RNF17: variants seen among roughly 807,000 people sequenced by gnomAD.
RNF17 encodes ring finger protein 17, also known as spermatogenesis associated 23.
Under a neutral mutation model 200.5 loss-of-function variants are expected in RNF17, and 31 were observed. The observed-to-expected ratio is 0.15, with a 90% CI of 0.12 to 0.21. RNF17 has a LOEUF of 0.21. RNF17 is among the 10% of genes least tolerant of loss of function. The pLI is 1.00. For missense variants in RNF17, 1,628 were observed against 1,905.1 expected (o/e 0.85, Z 2.71); for synonymous variants, 606 against 637.8 (o/e 0.95, Z 0.75).
Position 24,843,929 on chromosome 13 carries a change from A to G in RNF17, c.2789A>G (p.Lys930Arg), listed in dbSNP as rs1424379781. 1 of 1,563,872 alleles carries G rather than the reference A, an allele frequency of 6.4e-7. No homozygotes were observed. The highest frequency in any genetic ancestry group is 2.3e-5 in the East Asian group (1 of 44,318). Residue 930 changes from lysine (K) to arginine (R), a missense_variant, in exon 20 of 36, where the codon AAG becomes AGG. Around this residue, in one of 5 missense-constraint regions of RNF17, gnomAD observed 227 missense variants for 319.8 expected, o/e 0.71. Coordinates refer to ENST00000255324, the MANE Select transcript of RNF17 (RefSeq NM_031277.3). The stretch of plus-strand genomic sequence containing the variant: ...ATCTGTAATGTAATATCTCCTGAGA[A>G]GATTTATGTTCAGTGGTTGTTAACT... The part of the protein sequence containing the change: ...VHICNVISPE[K>R]IYVQWLLTEN...
chr13:24,755,692 A>G, the RNF17 span, among the ~76,000 whole-genome samples: 1 of 152,204 alleles, frequency 6.6e-6, no homozygotes, highest in Non-Finnish European at 1.5e-5. Context: ...TTATCTGCCT[A>G]GACTTTGGAC....
At chr13:24,819,065 A>G (rs1887734789) in intron 15 of RNF17, among the ~76,000 whole-genome samples, 1 of 152,252 alleles carries the variant, frequency 6.6e-6, no homozygotes. Context: ...AGAATTTATT[A>G]TCTTAACCAT....
At position 24,833,810 on chromosome 13, in the gene RNF17, A is replaced by C. The variant is rs548087403; in HGVS notation, c.2482+1832A>C. On this transcript the variant is annotated intron_variant, in intron 18 of 35. Coordinates refer to ENST00000255324, the MANE Select transcript of RNF17 (RefSeq NM_031277.3). ...ATAAAGTGAACTACCACAGCTGAGA[A>C]CAGGAACCTGCCATTAATACGTGCT... is the stretch of plus-strand genomic sequence containing the variant. Among the ~76,000 whole-genome samples, 165 of 152,376 alleles carry C rather than the reference A, an allele frequency of 1.1e-3. 7 individuals are homozygous for C. The South Asian group carries it at 0.033, about 31-fold the overall frequency.
At chr13:24,818,177 T>A (rs560433485) in intron 15 of RNF17, among the ~76,000 whole-genome samples, 1 of 152,286 alleles carries the variant, frequency 6.6e-6, no homozygotes, top group Non-Finnish European at 1.5e-5. Flanking sequence ...TTCTACATAT[T>A]TGAATTTTGC....
chr13:24,785,264 G>A (rs1882955147), intron 6 of RNF17, among the ~76,000 whole-genome samples: 1 of 152,054 alleles, frequency 6.6e-6, no homozygotes, highest in South Asian at 2.1e-4. Flanking sequence ...CATAAATTTT[G>A]TGTTCTTGCT....
intron 24 of RNF17, 27 bp downstream of exon 24, chr13:24,851,598 C>T (rs1017068878): frequency 1.4e-6 from 2 of 1,469,600 alleles, no homozygotes; most frequent in African/African-American, 1.4e-5. Context: ...AAAATTTTGA[C>T]ATCAGTTTGT....
chr13:24,804,006 T>C, intron 14 of RNF17: 1 of 332,384 alleles, frequency 3.0e-6, no homozygotes, highest in South Asian at 3.1e-5. Flanking sequence ...GTATGGTGGC[T>C]TACACTTGTA....
At chr13:24,835,242 CT>C (rs146325058) in intron 18 of RNF17, among the ~76,000 whole-genome samples, 2,315 of 152,128 alleles carry the variant, frequency 0.015, 61 homozygotes, top group East Asian at 0.081. Flanking sequence ...CCTACCCCCC[CT>C]GGTAGCTGAA....
rs144006120 is a variant in RNF17 at position 24,781,914 on chromosome 13, T to C, written c.581T>C (p.Phe194Ser). Reference sequence around the variant, plus strand: ...GTTATAGAAGTTGTGGAGAAACAGTTTGACCAACTTTTGGCTTTTTTTGAT... The same window carrying C: ...GTTATAGAAGTTGTGGAGAAACAGTCTGACCAACTTTTGGCTTTTTTTGAT... ...ERVIEVVEKQ[F>S]DQLLAFFDSR... Residue 194 changes from phenylalanine to serine, a missense_variant, in exon 6 of 36, where the codon TTT becomes TCT. Coordinates refer to ENST00000255324, the MANE Select transcript of RNF17 (RefSeq NM_031277.3). 6.2e-6 allele frequency: 10 copies of C among 1,613,006 alleles called. No individual in the cohort carries two copies. Among genetic ancestry groups the C allele is most frequent in the African/African-American group, 1.3e-5 (1 of 74,850 alleles).
chr13:24,767,145 C>G (rs914606504), intron 1 of RNF17, 127 bp from the exon 2 acceptor site: 2 of 629,542 alleles, frequency 3.2e-6, no homozygotes, highest in Non-Finnish European at 5.6e-6. Context: ...AGGAGGATCA[C>G]TTGAGCCCAA....
chr13:24,851,905 A>G (rs1405213045), intron 24 of RNF17, among the ~76,000 whole-genome samples: 1 of 152,184 alleles, frequency 6.6e-6, no homozygotes, highest in African/African-American at 2.4e-5. Context: ...TTACTTAGAC[A>G]TAAATGTTTA....
chr13:24,770,159 T>C (rs997632974), intron 2 of RNF17, among the ~76,000 whole-genome samples: 10 of 152,080 alleles, frequency 6.6e-5, no homozygotes, highest in Non-Finnish European at 1.5e-4. Context: ...AAATGTAAAC[T>C]AGACAGAAAT....
At chr13:24,869,566 C>G (rs535571432) in intron 31 of RNF17, among the ~76,000 whole-genome samples, 18 of 152,270 alleles carry the variant, frequency 1.2e-4, no homozygotes, top group African/African-American at 3.9e-4. Context: ...GCTGCAGAAA[C>G]CACTTTCGAA....
intron 3 of RNF17, among the ~76,000 whole-genome samples, chr13:24,775,588 T>C (rs1881447920): frequency 6.6e-6 from 1 of 152,184 alleles, no homozygotes; most frequent in South Asian, 2.1e-4. Flanking sequence ...TATAGTACAA[T>C]GGAAGACTTT....
chr13:24,866,016 A>G (rs561413052), intron 29 of RNF17, 128 bp from the exon 30 acceptor site: 1 of 623,290 alleles, frequency 1.6e-6, no homozygotes, highest in East Asian at 3.0e-5. Context: ...ATTTTCCTGT[A>G]ATTGATCTGA....
At chr13:24,748,747 TTTTTTG>T in the RNF17 span, among the ~76,000 whole-genome samples, 1 of 120,840 alleles carries the variant, frequency 8.3e-6, no homozygotes, top group African/African-American at 2.9e-5. Context: ...GTTTTTTTTG[TTTTTTG>T]TTTTTTTTTT....
At chr13:24,828,069 G>A (rs1018413567) in intron 16 of RNF17, among the ~76,000 whole-genome samples, 4 of 152,144 alleles carry the variant, frequency 2.6e-5, no homozygotes, top group Non-Finnish European at 4.4e-5. Flanking sequence ...GTATAGTTTC[G>A]TAAATATCTT....
chr13:24,764,069 C>T (rs555321425), upstream of RNF17: 3 of 797,078 alleles, frequency 3.8e-6, no homozygotes, highest in Middle Eastern at 3.9e-4. Flanking sequence ...CCATCAGGAG[C>T]GAGCTTGGGG....
intron 15 of RNF17, among the ~76,000 whole-genome samples, chr13:24,819,081 A>G (rs1456922928): frequency 6.6e-6 from 1 of 152,108 alleles, no homozygotes. Context: ...ACCATTTTTT[A>G]GTGTAACTTC....
Sources: allele counts gnomAD v4.1 joint callset (sites outside exome capture counted in the v4.1 genomes callset), GRCh38; gene constraint gnomAD v4.1.1; regional missense constraint gnomAD v4.1.1; transcripts MANE v1.5; gene names NCBI Gene and HGNC (gene_info 2026-07-23, HGNC 2026-07-21).